The following AFAP1L1 variants were observed in gnomAD, a reference collection of about 807,000 sequenced individuals.
The protein encoded by AFAP1L1 is actin filament-associated protein 1-like 1.
A neutral mutation model predicts 99.8 loss-of-function variants in AFAP1L1; 77 were observed. The observed-to-expected ratio is 0.77, with a 90% CI of 0.64 to 0.93. AFAP1L1 has a LOEUF of 0.93. AFAP1L1 is among the 40% of genes least tolerant of loss of function. The pLI is 0.00. For missense variants in AFAP1L1, 893 were observed against 996.8 expected (o/e 0.90, Z 1.40); for synonymous variants, 373 against 395.3 (o/e 0.94, Z 0.67).
chr5:149,306,512 A>C, intron 6 of AFAP1L1, 108 bp downstream of exon 6: 11 of 1,023,258 alleles, frequency 1.1e-5, no homozygotes, highest in Non-Finnish European at 1.4e-5. Flanking sequence ...CCTCACCCAG[A>C]CCATGGTCAC....
intron 16 of AFAP1L1, among the ~76,000 whole-genome samples, chr5:149,330,246 T>C (rs968852040): frequency 2.0e-5 from 3 of 152,178 alleles, no homozygotes. Flanking sequence ...ACATGACACT[T>C]TCCCAGGATC....
intron 18 of AFAP1L1, among the ~76,000 whole-genome samples, chr5:149,338,588 T>C (rs904286909): frequency 3.9e-5 from 6 of 152,230 alleles, no homozygotes; most frequent in African/African-American, 1.4e-4. Context: ...CAAATATTTG[T>C]TGAAGACCTA....
chr5:149,332,872 G>A lies in AFAP1L1; in HGVS notation c.2153G>A (p.Gly718Glu), dbSNP rs781193704. 1.3e-6 allele frequency: 2 copies of A among 1,588,484 alleles called. No individual in the cohort carries two copies. Among genetic ancestry groups the A allele is most frequent in the East Asian group, 2.3e-5 (1 of 44,068 alleles). The change falls in exon 17 of 19, where the codon GGG becomes GAG. Residue 718 changes from glycine to glutamate, a missense_variant and splice_region_variant. Gly to Glu is a moderately conservative substitution (Grantham distance 98). Transcript: ENST00000296721. ...GLSVSSKPKS[G>E]ETANKPQNSV... ...TCCGTGAGCAGCAAGCCCAAGAGTG[G>A]GGTGAGTCCAGGCCCTTCCATGCCA... is the stretch of plus-strand genomic sequence containing the variant.
chr5:149,329,524 A>G, intron 15 of AFAP1L1, 142 bp from the exon 16 acceptor site: 1 of 870,788 alleles, frequency 1.1e-6, no homozygotes, highest in Non-Finnish European at 1.7e-6. Context: ...GAGGATTCAC[A>G]CTAAATATAT....
At chr5:149,304,634 G>A (rs148933791) in intron 5 of AFAP1L1, among the ~76,000 whole-genome samples, 3 of 152,316 alleles carry the variant, frequency 2.0e-5, no homozygotes, top group South Asian at 2.1e-4. Flanking sequence ...GCCCATCAGG[G>A]AGTATCCTTC....
intron 5 of AFAP1L1, among the ~76,000 whole-genome samples, chr5:149,305,627 C>T (rs1046797732): frequency 3.9e-5 from 6 of 152,244 alleles, no homozygotes; most frequent in African/African-American, 1.4e-4. Context: ...AGCACTGCAC[C>T]GTACTACCTC....
At chr5:149,310,299 A>T (rs753637615) in intron 8 of AFAP1L1, among the ~76,000 whole-genome samples, 164 bp downstream of exon 8, 1 of 152,164 alleles carries the variant, frequency 6.6e-6, no homozygotes, top group Non-Finnish European at 1.5e-5. Flanking sequence ...TGGGCCTCGG[A>T]TATCTCCAAG....
rs1387551775 is a variant in AFAP1L1 at position 149,312,171 on chromosome 5, C to T, written c.987C>T (p.Ser329=). 1 of 1,614,150 alleles carries T rather than the reference C, an allele frequency of 6.2e-7. No homozygotes were observed. The highest frequency in any genetic ancestry group is 1.1e-5 in the South Asian group (1 of 91,080). The change falls in exon 9 of 19, where the codon TCC becomes TCT. Residue 329 remains serine, a synonymous_variant. Coordinates refer to ENST00000296721, the MANE Select transcript of AFAP1L1 (RefSeq NM_152406.4). ...GGAEGVEVPR[S]PVLLCKLDLD... is the part of the protein sequence containing the mutation. ...CTGAGGGAGTGGAGGTCCCCAGATC[C>T]CCAGTCCTCCTGTGCAAGTTGGACC...
intron 1 of AFAP1L1, among the ~76,000 whole-genome samples, chr5:149,290,869 G>A: frequency 6.6e-6 from 1 of 152,204 alleles, no homozygotes; most frequent in East Asian, 1.9e-4. Flanking sequence ...ATTGTTCCAT[G>A]TATACTTAAA....
intron 15 of AFAP1L1, among the ~76,000 whole-genome samples, chr5:149,328,317 G>A (rs1213871652): frequency 1.3e-5 from 2 of 151,492 alleles, no homozygotes; most frequent in African/African-American, 4.9e-5. Context: ...TCTGTATAGC[G>A]CACAAAAAAA....
chr5:149,312,260 G>C lies in AFAP1L1; in HGVS notation c.1020+56G>C, dbSNP rs767272162. On this transcript the variant is annotated intron_variant, in intron 9 of 18. Transcript: ENST00000296721. ...GCCAGGCAGTGGCCACTCAACACGG[G>C]CTCAACCCCAGGGGAACTAACTGGC... 21 of 1,556,404 alleles carry C rather than the reference G, an allele frequency of 1.3e-5. No homozygotes were observed. In the East Asian group the frequency reaches 1.8e-4, roughly 13 times the overall value.
At chr5:149,333,174 C>T (rs1757306711) in intron 17 of AFAP1L1, among the ~76,000 whole-genome samples, 1 of 152,204 alleles carries the variant, frequency 6.6e-6, no homozygotes, top group Non-Finnish European at 1.5e-5. Flanking sequence ...TAGTAGCCAG[C>T]ATACATTGAA....
Position 149,322,649 on chromosome 5 carries a change from A to G in AFAP1L1, c.1742A>G (p.His581Arg). Reference sequence around the variant, plus strand: ...CCCACAGGGGCCCAGGTGAAGCGTCACGCCTCCTCCTGCAGTGAGAAGTCC... The same window carrying G: ...CCCACAGGGGCCCAGGTGAAGCGTCGCGCCTCCTCCTGCAGTGAGAAGTCC... ...ERPTGAQVKR[H>R]ASSCSEKSHR... The change falls in exon 15 of 19, where the codon CAC (histidine) becomes CGC (arginine). Residue 581 changes from histidine to arginine, a missense_variant. Coordinates refer to ENST00000296721, the MANE Select transcript of AFAP1L1 (RefSeq NM_152406.4). 6.3e-7 allele frequency: 1 copy of G among 1,592,906 alleles called. No homozygotes were observed. Among genetic ancestry groups the G allele is most frequent in the South Asian group, 1.1e-5 (1 of 87,424 alleles).
intron 17 of AFAP1L1, 51 bp downstream of exon 17, chr5:149,332,924 C>A (rs1182591198): frequency 6.0e-6 from 9 of 1,488,204 alleles, no homozygotes; most frequent in Non-Finnish European, 8.0e-6. Flanking sequence ...TGTCCCTCCA[C>A]TCACTACAGA....
At position 149,312,179 on chromosome 5, in the gene AFAP1L1, T is replaced by A; in HGVS notation, c.995T>A (p.Leu332His). The A allele has an allele frequency of 6.2e-7, 1 of 1,614,188 alleles. No homozygotes were observed. The highest frequency in any genetic ancestry group is 8.5e-7 in the Non-Finnish European group (1 of 1,180,028). The change falls in exon 9 of 19, where the codon CTC becomes CAC. Residue 332 changes from leucine to histidine, a missense_variant. Leu to His is a moderately conservative substitution (Grantham distance 99). Coordinates refer to ENST00000296721, the MANE Select transcript of AFAP1L1 (RefSeq NM_152406.4). The stretch of plus-strand genomic sequence containing the variant: ...GTGGAGGTCCCCAGATCCCCAGTCC[T>A]CCTGTGCAAGTTGGACCTGGACAAG... ...EGVEVPRSPV[L>H]LCKLDLDKRL...
At chr5:149,286,844 C>T (rs1470983451) in intron 1 of AFAP1L1, among the ~76,000 whole-genome samples, 1 of 152,216 alleles carries the variant, frequency 6.6e-6, no homozygotes, top group Non-Finnish European at 1.5e-5. Context: ...CCCAAGGTCA[C>T]ACAACCAGTA....
intron 1 of AFAP1L1, among the ~76,000 whole-genome samples, chr5:149,276,328 G>C (rs1755323030): frequency 6.6e-6 from 1 of 152,210 alleles, no homozygotes; most frequent in South Asian, 2.1e-4. Context: ...TTTTCCCATG[G>C]GGAGAGAAAA....
At chr5:149,328,033 T>C (rs1185792661) in intron 15 of AFAP1L1, among the ~76,000 whole-genome samples, 1 of 152,180 alleles carries the variant, frequency 6.6e-6, no homozygotes, top group African/African-American at 2.4e-5. Context: ...GGAAAAAATC[T>C]TGAAGGCAGA....
chr5:149,286,875 G>A (rs773284132), intron 1 of AFAP1L1, among the ~76,000 whole-genome samples: 26 of 152,262 alleles, frequency 1.7e-4, no homozygotes, highest in Non-Finnish European at 3.1e-4. Context: ...TGGGGCTTGA[G>A]CCCTGAGATT....
Sources: allele counts gnomAD v4.1 joint callset (sites outside exome capture counted in the v4.1 genomes callset), GRCh38; gene constraint gnomAD v4.1.1; transcripts MANE v1.5; gene names NCBI Gene and HGNC (gene_info 2026-07-23, HGNC 2026-07-21).